Variants in PPP1R12B observed in about 807,000 individuals in gnomAD.
PPP1R12B encodes the protein protein phosphatase 1 regulatory subunit 12B.
In PPP1R12B, 76 loss-of-function variants were observed where a neutral mutation model predicts 126.1. The observed-to-expected ratio is 0.60, with a 90% CI of 0.50 to 0.73. The LOEUF (loss-of-function observed/expected upper bound fraction) is 0.73, where lower values mean the gene tolerates loss of function less well. PPP1R12B is among the 30% of genes least tolerant of loss of function. PPP1R12B has a pLI of 0.00. For synonymous variants in PPP1R12B, 356 were observed against 434.7 expected (o/e 0.82, Z 2.25); for missense variants, 1,052 against 1,205.1 (o/e 0.87, Z 1.88).
chr1:202,406,313 G>A (rs1244190421), intron 1 of PPP1R12B, among the ~76,000 whole-genome samples: 1 of 152,206 alleles, frequency 6.6e-6, no homozygotes, highest in African/African-American at 2.4e-5. Flanking sequence ...AATAAACAGA[G>A]TGGTAACCAA....
At chr1:202,519,542 G>A (rs556183949) in intron 18 of PPP1R12B, among the ~76,000 whole-genome samples, 17 of 152,222 alleles carry the variant, frequency 1.1e-4, no homozygotes, top group Non-Finnish European at 2.4e-4. Context: ...AAAGTGCTGG[G>A]ATTACAGGCG....
intron 10 of PPP1R12B, chr1:202,439,636 G>T (rs2148688546): frequency 2.5e-6 from 2 of 814,678 alleles, no homozygotes; most frequent in East Asian, 2.7e-5. Flanking sequence ...ACTCCCCCAG[G>T]CTCCCTGTCC....
chr1:202,546,159 A>AT (rs1267599309), intron 18 of PPP1R12B, among the ~76,000 whole-genome samples: 1 of 152,076 alleles, frequency 6.6e-6, no homozygotes, highest in African/African-American at 2.4e-5. Flanking sequence ...AGGCAGAGAT[A>AT]TTTTTTCTGG....
Position 202,587,834 on chromosome 1 carries a change from A to G in PPP1R12B, c.*7274A>G, listed in dbSNP as rs1235474765. The G allele has an allele frequency of 2.6e-5, 4 of 152,136 alleles. No homozygotes were observed. The highest frequency in any genetic ancestry group is 9.7e-5 in the African/African-American group (4 of 41,408). The allele number at this position is 152,136 out of a possible 1,614,324, so 9.4% of individuals were successfully genotyped here. A position where few individuals can be genotyped will look rare whatever the true frequency, so the allele number is the denominator to read the frequency against. On this transcript the variant is annotated 3_prime_UTR_variant, in exon 24 of 24. Coordinates refer to ENST00000608999, the MANE Select transcript of PPP1R12B (RefSeq NM_002481.4). ...ACAGATTCCCGCTTGCCTTCTGATG[A>G]AGAGAGGTTAGGTAAAGAGAGTTTG...
In PPP1R12B at chr1:202,403,557, A is replaced by G. The variant is rs189629148; in HGVS notation, c.292-13230A>G. On this transcript the variant is annotated intron_variant, in intron 1 of 23. Transcript: ENST00000608999. The stretch of plus-strand genomic sequence containing the variant: ...AATAATGCCTTGCCAGGCCCATGCC[A>G]TGGTATTCATGACACTGACCCAACC... Among the ~76,000 whole-genome samples, 26 of 152,322 alleles carry G rather than the reference A, an allele frequency of 1.7e-4. No individual in the cohort carries two copies. In the East Asian group the frequency reaches 3.7e-3, roughly 21 times the overall value.
At chr1:202,425,089 C>T (rs1254873158) in intron 3 of PPP1R12B, among the ~76,000 whole-genome samples, 2 of 152,142 alleles carry the variant, frequency 1.3e-5, no homozygotes, top group East Asian at 1.9e-4. Context: ...GGAGTTCTAG[C>T]GGCAAGTTCT....
chr1:202,536,353 A>G (rs776691323), intron 18 of PPP1R12B, among the ~76,000 whole-genome samples: 2 of 152,222 alleles, frequency 1.3e-5, no homozygotes, highest in Non-Finnish European at 2.9e-5. Flanking sequence ...AATATTGTAG[A>G]GCTGGAACAT....
intron 12 of PPP1R12B, among the ~76,000 whole-genome samples, chr1:202,446,553 C>T (rs1435505994): frequency 1.4e-5 from 2 of 148,044 alleles, no homozygotes; most frequent in Non-Finnish European, 3.0e-5. Flanking sequence ...GCCACTGCAC[C>T]CGGCCGTATT....
intron 18 of PPP1R12B, among the ~76,000 whole-genome samples, chr1:202,520,787 C>T (rs916434990): frequency 4.6e-5 from 7 of 152,032 alleles, no homozygotes; most frequent in Non-Finnish European, 8.8e-5. Flanking sequence ...CATTCAAAAA[C>T]AGAGAAATTA....
chr1:202,391,252 A>G (rs1232051764), intron 1 of PPP1R12B, among the ~76,000 whole-genome samples: 1 of 152,214 alleles, frequency 6.6e-6, no homozygotes, highest in East Asian at 1.9e-4. Context: ...AGGAAGATAC[A>G]CAAATGACCA....
At chr1:202,453,530 T>G (rs1055162185) in intron 13 of PPP1R12B, among the ~76,000 whole-genome samples, 1 of 151,910 alleles carries the variant, frequency 6.6e-6, no homozygotes, top group Non-Finnish European at 1.5e-5. Context: ...TAATTCTTCT[T>G]TAGGTGTTTG....
At chr1:202,574,330 C>T (rs759183934) in intron 23 of PPP1R12B, among the ~76,000 whole-genome samples, 1 of 152,028 alleles carries the variant, frequency 6.6e-6, no homozygotes, top group Admixed American at 6.6e-5. Flanking sequence ...GGCTACATAG[C>T]GAAATCCTGT....
At chr1:202,453,802 C>G (rs1673298359) in intron 13 of PPP1R12B, among the ~76,000 whole-genome samples, 1 of 147,638 alleles carries the variant, frequency 6.8e-6, no homozygotes, top group Non-Finnish European at 1.5e-5. Flanking sequence ...CCTGTCCTTT[C>G]TTTTTTCTTT....
At chr1:202,355,194 C>A (rs1037052458) in intron 1 of PPP1R12B, among the ~76,000 whole-genome samples, 1 of 152,166 alleles carries the variant, frequency 6.6e-6, no homozygotes, top group Admixed American at 6.6e-5. Context: ...CGTGAGCCAC[C>A]ATGCCTGGCC....
chr1:202,359,247 C>T (rs1657697095), intron 1 of PPP1R12B, among the ~76,000 whole-genome samples: 1 of 151,872 alleles, frequency 6.6e-6, no homozygotes, highest in Non-Finnish European at 1.5e-5. Flanking sequence ...CAGGGTGTCT[C>T]AGCCTCCCAA....
At chr1:202,509,121 A>G (rs12733077) in intron 18 of PPP1R12B, among the ~76,000 whole-genome samples, 3 of 152,262 alleles carry the variant, frequency 2.0e-5, no homozygotes, top group Non-Finnish European at 4.4e-5. Flanking sequence ...TGATAGAAAA[A>G]GTATTTGCTA....
At position 202,589,779 on chromosome 1, in the gene PPP1R12B, G is replaced by A. The variant is rs1337574184; in HGVS notation, c.*9219G>A. ...CTTAGGGACTGAAGCAGCAAGACAG[G>A]ATAGATGTTAAAGGATCTGGGCTCA... On this transcript the variant is annotated 3_prime_UTR_variant, in exon 24 of 24. Coordinates refer to ENST00000608999, the MANE Select transcript of PPP1R12B (RefSeq NM_002481.4). 6.6e-6 allele frequency: 1 copy of A among 152,228 alleles called. No homozygotes were observed. Among genetic ancestry groups the A allele is most frequent in the Non-Finnish European group, 1.5e-5 (1 of 68,068 alleles). 9.4% of individuals were successfully genotyped at this position (152,228 alleles called of 1,614,324 possible). A position where few individuals can be genotyped will look rare whatever the true frequency, so the allele number is the denominator to read the frequency against.
chr1:202,492,777 AGGGTAGGGACCT>A (rs1179653873), intron 14 of PPP1R12B, among the ~76,000 whole-genome samples: 3 of 152,060 alleles, frequency 2.0e-5, no homozygotes, highest in Non-Finnish European at 4.4e-5. Flanking sequence ...TGATCTTGGG[AGGGTAGGGACCT>A]TTCAAATAAA....
chr1:202,561,873 G>C (rs770875543), intron 19 of PPP1R12B, among the ~76,000 whole-genome samples: 2 of 152,076 alleles, frequency 1.3e-5, no homozygotes, highest in Non-Finnish European at 2.9e-5. Flanking sequence ...CCCACCCCCA[G>C]CTATGGCAAA....
Sources: gnomAD v4.1 joint callset for allele counts (sites outside exome capture counted in the v4.1 genomes callset) on GRCh38, gnomAD v4.1.1 for gene constraint, MANE v1.5 for transcripts, NCBI Gene and HGNC (gene_info 2026-07-23, HGNC 2026-07-21) for gene names.